Variants in CD163L1 observed in about 807,000 individuals in gnomAD.
The protein encoded by CD163L1 is CD163 molecule like 1, also known as scavenger receptor cysteine-rich type 1 protein M160.
A neutral mutation model predicts 165.4 loss-of-function variants in CD163L1; 124 were observed. The observed-to-expected ratio is 0.75, with a 90% CI of 0.65 to 0.87. The LOEUF (loss-of-function observed/expected upper bound fraction) is 0.87, where lower values mean the gene tolerates loss of function less well. CD163L1 is among the 40% of genes least tolerant of loss of function. CD163L1 has a pLI of 0.00. For synonymous variants in CD163L1, 585 were observed against 662.2 expected (o/e 0.88, Z 1.79); for missense variants, 1,525 against 1,799.9 (o/e 0.85, Z 2.76).
the CD163L1 span, among the ~76,000 whole-genome samples, chr12:7,322,778 C>T: frequency 4.6e-5 from 7 of 152,252 alleles, no homozygotes; most frequent in African/African-American, 9.6e-5. Flanking sequence ...ATCTCAGAGG[C>T]GTTAGCGGGT....
Position 7,347,691 on chromosome 12 carries a change from C to T in CD163L1, c.*25-544G>A, listed in dbSNP as rs1364839399. 2.0e-5 allele frequency among the ~76,000 whole-genome samples: 3 copies of T among 151,940 alleles called. No homozygotes were observed. Among genetic ancestry groups the T allele is most frequent in the Admixed American group, 2.0e-4 (3 of 15,268 alleles). Reference sequence around the variant, plus strand: ...GGCTGAGGCAGGAGAATGGCGTGAACCTGGGAGGCGGAGCTTGCAGTGAAC... The same window carrying T: ...GGCTGAGGCAGGAGAATGGCGTGAATCTGGGAGGCGGAGCTTGCAGTGAAC... On this transcript the variant is annotated intron_variant, in intron 4 of 4. Coordinates refer to the CD163L1 transcript ENST00000539726. This position sits in a 1 kb window ranked among gnomAD's most constrained non-coding sequence, Gnocchi z 4.2.
chr12:7,376,090 C>T, intron 9 of CD163L1, 76 bp from the exon 10 acceptor site: 1 of 1,317,710 alleles, frequency 7.6e-7, no homozygotes, highest in Non-Finnish European at 1.0e-6. Context: ...CCATATCTAA[C>T]CCCAGAGCAA....
intron 8 of CD163L1, among the ~76,000 whole-genome samples, chr12:7,381,487 T>C (rs1947406945): frequency 1.3e-5 from 2 of 152,220 alleles, no homozygotes; most frequent in African/African-American, 4.8e-5. Flanking sequence ...ATTTTAAGCC[T>C]ATTTGTTACT....
Position 7,398,446 on chromosome 12 carries a change from T to C in CD163L1, c.1547A>G (p.Gln516Arg), listed in dbSNP as rs1350223126. Residue 516 changes from glutamine to arginine, a missense_variant, in exon 7 of 20, where the codon CAA becomes CGA. By Grantham distance (43) the Gln-to-Arg change is conservative. Coordinates refer to ENST00000313599, the MANE Select transcript of CD163L1 (RefSeq NM_174941.6). This position sits in a 1 kb window ranked among gnomAD's most constrained non-coding sequence, Gnocchi z 4.5. ...ATGCAAAGGCTTTCCACATCCCAATTGTTTACAAACAACAGCTGCATTCCT... is the reference window on the plus strand; with the variant it reads ...ATGCAAAGGCTTTCCACATCCCAATCGTTTACAAACAACAGCTGCATTCCT... ...STRNAAVVCK[Q>R]LGCGKPLHVF... The C allele has an allele frequency of 6.2e-7, 1 of 1,614,134 alleles. No homozygotes were observed. The highest frequency in any genetic ancestry group is 1.1e-5 in the South Asian group (1 of 91,078).
chr12:7,343,943 C>A (rs549386009), downstream of CD163L1, among the ~76,000 whole-genome samples: 5 of 152,160 alleles, frequency 3.3e-5, no homozygotes, highest in Non-Finnish European at 7.3e-5. Context: ...AAATCAAACT[C>A]ACTTTATTTA....
rs202168317 is a variant in CD163L1, at chr12:7,421,468, T to C, written c.766+10948A>G. On this transcript the variant is annotated intron_variant, in intron 4 of 19. Coordinates refer to ENST00000313599, the MANE Select transcript of CD163L1 (RefSeq NM_174941.6). The stretch of plus-strand genomic sequence containing the variant: ...ATACATATATGTACATATATACATA[T>C]ATATACATATATGTACATATATACA... 2.9e-4 allele frequency among the ~76,000 whole-genome samples: 27 copies of C among 93,386 alleles called. 3 individuals are homozygous for C. The highest frequency in any genetic ancestry group is 1.3e-3 in the African/African-American group (20 of 15,326). 61.3% of individuals were successfully genotyped at this position (93,386 alleles called of 152,430 possible).
intron 17 of CD163L1, chr12:7,367,570 G>A: frequency 3.0e-6 from 1 of 328,610 alleles, no homozygotes; most frequent in Non-Finnish European, 5.7e-6. Context: ...CTATGTGCTG[G>A]CCATTTTTCA....
At chr12:7,360,234 C>T (rs1946864382) in intron 18 of CD163L1, among the ~76,000 whole-genome samples, 1 of 152,026 alleles carries the variant, frequency 6.6e-6, no homozygotes, top group East Asian at 1.9e-4. Context: ...ACTCTGCCTT[C>T]CAAGTTCAAG....
chr12:7,327,096 G>T, the CD163L1 span: 4 of 1,597,754 alleles, frequency 2.5e-6, no homozygotes, highest in Non-Finnish European at 3.4e-6. Context: ...TCCAAGAAAG[G>T]CAAGTGCTTT....
At chr12:7,408,521 C>G (rs1948074384) in intron 4 of CD163L1, among the ~76,000 whole-genome samples, 1 of 152,016 alleles carries the variant, frequency 6.6e-6, no homozygotes, top group African/African-American at 2.4e-5. Context: ...ATGTGATATT[C>G]TGATACCTAT....
chr12:7,438,459 G>T (rs1444493868), intron 2 of CD163L1, among the ~76,000 whole-genome samples: 1 of 152,140 alleles, frequency 6.6e-6, no homozygotes, highest in Non-Finnish European at 1.5e-5. Flanking sequence ...TGACCAAGCA[G>T]GATGTGAAAA....
At position 7,432,736 on chromosome 12, in the gene CD163L1, C is replaced by A. The variant is rs779691782; in HGVS notation, c.446G>T (p.Gly149Val). The A allele has an allele frequency of 1.3e-6, 2 of 1,590,420 alleles. No homozygotes were observed. Among genetic ancestry groups the A allele is most frequent in the Non-Finnish European group, 1.7e-6 (2 of 1,168,770 alleles). ...TAGCCTCAAACCCAGATTGGCTTCA[C>A]CTACGAGAAAGACAAGCAGACATAT... ...HGEDVGVNCY[G>V]EANLGLRLVD... The change falls in exon 4 of 20, where the codon GGT (glycine) becomes GTT (valine). Residue 149 changes from glycine (G) to valine (V), a missense_variant and splice_region_variant. Transcript: ENST00000313599. The surrounding 1 kb of genome is among the most constrained non-coding windows in gnomAD (Gnocchi z 4.2).
rs917048276 is a variant in CD163L1, at chr12:7,373,233, G to T, written c.3730+87C>A. 8 of 1,127,678 alleles carry T rather than the reference G, an allele frequency of 7.1e-6. No homozygotes were observed. In the African/African-American group the frequency reaches 9.3e-5, roughly 13 times the overall value. 69.9% of individuals were successfully genotyped at this position (1,127,678 alleles called of 1,614,324 possible). A position where few individuals can be genotyped will look rare whatever the true frequency, so the allele number is the denominator to read the frequency against. On this transcript the variant is annotated intron_variant, in intron 14 of 19. Coordinates refer to ENST00000313599, the MANE Select transcript of CD163L1 (RefSeq NM_174941.6). ...ATGCACTTTTCAGTGAGTCTGCCATGTGCTCCTGAATGGAAAGATTTGCTA... is the reference window on the plus strand; with the variant it reads ...ATGCACTTTTCAGTGAGTCTGCCATTTGCTCCTGAATGGAAAGATTTGCTA...
chr12:7,403,442 G>C, intron 6 of CD163L1, 93 bp downstream of exon 6: 2 of 1,268,624 alleles, frequency 1.6e-6, no homozygotes, highest in Non-Finnish European at 2.2e-6. Context: ...TTAAGGTCCA[G>C]AAAACCTTTT....
chr12:7,414,057 C>G (rs1948190367), intron 4 of CD163L1, among the ~76,000 whole-genome samples: 1 of 152,020 alleles, frequency 6.6e-6, no homozygotes, highest in Non-Finnish European at 1.5e-5. Context: ...TCAAAAAACA[C>G]AATGAATGAA....
rs1246780654 is a variant in CD163L1 at position 7,407,828 on chromosome 12, T to TAC, written c.767-978_767-977dup. The stretch of plus-strand genomic sequence containing the variant: ...ACACAGACACACACACACACACACA[T>TAC]ACACACACAAAATCACCTCACCTTA... On this transcript the variant is annotated intron_variant, in intron 4 of 19. Transcript: ENST00000313599. Among the ~76,000 whole-genome samples, 8 of 146,070 alleles carry TAC rather than the reference T, an allele frequency of 5.5e-5. No individual in the cohort carries two copies. The South Asian group carries it at 1.3e-3, about 24-fold the overall frequency.
At chr12:7,423,965 C>T (rs1179316890) in intron 4 of CD163L1, among the ~76,000 whole-genome samples, 1 of 152,134 alleles carries the variant, frequency 6.6e-6, no homozygotes, top group Non-Finnish European at 1.5e-5. Context: ...GGGACTCCTC[C>T]CGAACTCAAT....
At chr12:7,389,657 A>C (rs1302263819) in intron 8 of CD163L1, among the ~76,000 whole-genome samples, 1 of 152,098 alleles carries the variant, frequency 6.6e-6, no homozygotes, top group Non-Finnish European at 1.5e-5. Flanking sequence ...AATAAGTTAA[A>C]GAATGTAATT....
the CD163L1 span, among the ~76,000 whole-genome samples, chr12:7,327,575 A>G: frequency 1.3e-5 from 2 of 152,210 alleles, no homozygotes; most frequent in Non-Finnish European, 2.9e-5. Flanking sequence ...ATTTAAGAAC[A>G]ATACTACGTA....
Sources: allele counts gnomAD v4.1 joint callset (sites outside exome capture counted in the v4.1 genomes callset), GRCh38; gene constraint gnomAD v4.1.1; non-coding constraint Gnocchi (gnomAD v3.1); transcripts MANE v1.5; gene names NCBI Gene and HGNC (gene_info 2026-07-23, HGNC 2026-07-21).